RIMS2: variants seen among roughly 807,000 people sequenced by gnomAD.
The protein encoded by RIMS2 is regulating synaptic membrane exocytosis protein 2.
In RIMS2, 59 loss-of-function variants were observed where a neutral mutation model predicts 174.4. The observed-to-expected ratio is 0.34, with a 90% CI of 0.27 to 0.42. The LOEUF (loss-of-function observed/expected upper bound fraction) is 0.42. Ranked by LOEUF, RIMS2 falls within the 10% of genes least tolerant of loss-of-function variation. The probability of loss-of-function intolerance (pLI) is 1.00; values close to 1 mark genes in which losing one functional copy is unlikely to be tolerated. For missense variants in RIMS2, 1,620 were observed against 1,666.3 expected (o/e 0.97, Z 0.48); for synonymous variants, 606 against 572.5 (o/e 1.06, Z -0.84).
chr8:103,608,608 T>C (rs1434251221), intron 1 of RIMS2, among the ~76,000 whole-genome samples: 1 of 150,390 alleles, frequency 6.6e-6, no homozygotes, highest in Non-Finnish European at 1.5e-5. Flanking sequence ...CGCCTTGCAG[T>C]TTGATCTCAG....
chr8:104,148,920 T>A, intron 19 of RIMS2, 72 bp downstream of exon 25: 1 of 1,448,578 alleles, frequency 6.9e-7, no homozygotes, highest in Non-Finnish European at 9.4e-7. Context: ...TTTCTCTTAC[T>A]CATTTTATTG....
At chr8:103,764,157 T>C (rs1299601194) in intron 2 of RIMS2, among the ~76,000 whole-genome samples, 1 of 152,210 alleles carries the variant, frequency 6.6e-6, no homozygotes, top group African/African-American at 2.4e-5. Context: ...GCTTACCTTG[T>C]GAAAAATTTT....
At chr8:103,988,553 G>A (rs762423246) in intron 16 of RIMS2, among the ~76,000 whole-genome samples, 7 of 152,098 alleles carry the variant, frequency 4.6e-5, no homozygotes, top group Non-Finnish European at 7.4e-5. Flanking sequence ...TCCACCTCCC[G>A]GGTTCAAGCG....
At chr8:103,914,853 T>C (rs2076363741) in intron 6 of RIMS2, among the ~76,000 whole-genome samples, 1 of 152,094 alleles carries the variant, frequency 6.6e-6, no homozygotes, top group South Asian at 2.1e-4. Flanking sequence ...TACATATGAC[T>C]CCACAGCAGG....
chr8:103,694,360 G>A (rs1399507421), intron 1 of RIMS2, among the ~76,000 whole-genome samples: 2 of 152,090 alleles, frequency 1.3e-5, no homozygotes, highest in African/African-American at 4.8e-5. Flanking sequence ...GAGTGGGCCT[G>A]GAACTTGTAT....
chr8:103,854,660 A>G (rs1324409212), intron 3 of RIMS2, among the ~76,000 whole-genome samples: 5 of 152,094 alleles, frequency 3.3e-5, no homozygotes, highest in African/African-American at 1.2e-4. Context: ...TATGTGGTAA[A>G]TAATATTTAT....
chr8:103,801,014 A>G (rs1283348633), intron 3 of RIMS2, among the ~76,000 whole-genome samples: 1 of 151,788 alleles, frequency 6.6e-6, no homozygotes, highest in Non-Finnish European at 1.5e-5. Flanking sequence ...TATTTTTGAG[A>G]TGAAGTCTTG....
At chr8:103,989,333 A>G in exon 17 of RIMS2, 1 of 1,612,818 alleles carries the variant, frequency 6.2e-7, no homozygotes. Context: ...GCTTCGAGGG[A>G]CCCGCACTAT....
intron 13 of RIMS2, among the ~76,000 whole-genome samples, chr8:103,941,795 A>G (rs2082605490): frequency 6.6e-6 from 1 of 152,206 alleles, no homozygotes; most frequent in South Asian, 2.1e-4. Flanking sequence ...AATTTTAAAT[A>G]AGACAGGCTG....
chr8:104,134,877 C>A (rs945573431), intron 19 of RIMS2, among the ~76,000 whole-genome samples: 1 of 152,166 alleles, frequency 6.6e-6, no homozygotes, highest in Non-Finnish European at 1.5e-5. Flanking sequence ...GTTGTTCTTA[C>A]TTCAATTTAA....
rs150424695 is a variant in RIMS2 at position 104,090,067 on chromosome 8, T to TTATATA, written c.3334+75459_3334+75464dup. 1.5e-3 allele frequency among the ~76,000 whole-genome samples: 231 copies of TTATATA among 149,868 alleles called. 1 individual carries two copies. Among genetic ancestry groups the TTATATA allele is most frequent in the African/African-American group, 5.3e-3 (215 of 40,844 alleles). On this transcript the variant is annotated intron_variant, in intron 19 of 23. Transcript: ENST00000504942. ...TTATATACACATGCACATATATATATTATATATATATACACACACACACAG... is the reference window on the plus strand; with the variant it reads ...TTATATACACATGCACATATATATATTATATATATATATATATACACACACACACAG...
chr8:103,819,975 T>C (rs559278576), intron 3 of RIMS2, among the ~76,000 whole-genome samples: 7 of 152,220 alleles, frequency 4.6e-5, no homozygotes, highest in Admixed American at 2.6e-4. Context: ...TATATAAGGA[T>C]GGGGCTATAT....
intron 20 of RIMS2, among the ~76,000 whole-genome samples, chr8:104,247,719 G>A (rs1019706377): frequency 6.6e-6 from 1 of 152,138 alleles, no homozygotes; most frequent in Non-Finnish European, 1.5e-5. Flanking sequence ...ACAGGAGCAT[G>A]GAGAGAGTCA....
intron 19 of RIMS2, among the ~76,000 whole-genome samples, chr8:104,184,654 A>G (rs2098958757): frequency 6.6e-6 from 1 of 151,482 alleles, no homozygotes; most frequent in Non-Finnish European, 1.5e-5. Flanking sequence ...TCCAAAGGTT[A>G]TTAGTAGTTG....
At chr8:103,599,379 G>T (rs2094603115) in intron 1 of RIMS2, among the ~76,000 whole-genome samples, 1 of 148,206 alleles carries the variant, frequency 6.7e-6, no homozygotes, top group African/African-American at 2.5e-5. Flanking sequence ...TCCAGAGTTT[G>T]TATTGTTTTT....
chr8:104,251,465 T>C (rs1369650445), intron 23 of RIMS2, 137 bp from the exon 30 acceptor site: 1 of 637,650 alleles, frequency 1.6e-6, no homozygotes, highest in African/African-American at 1.8e-5. Flanking sequence ...AAGACAACTA[T>C]TCTATTATGC....
intron 1 of RIMS2, among the ~76,000 whole-genome samples, chr8:103,519,525 C>T (rs575115729): frequency 1.3e-5 from 2 of 152,158 alleles, no homozygotes; most frequent in African/African-American, 4.8e-5. Context: ...CAGCTCTTAC[C>T]CCACAATTCT....
intron 1 of RIMS2, among the ~76,000 whole-genome samples, chr8:103,607,148 C>T (rs1056740495): frequency 2.0e-5 from 3 of 151,882 alleles, no homozygotes; most frequent in Admixed American, 6.6e-5. Flanking sequence ...GCCGGTTGTT[C>T]CTTTCCATGT....
At chr8:103,923,688 G>A (rs2078167252) in intron 10 of RIMS2, among the ~76,000 whole-genome samples, 1 of 151,610 alleles carries the variant, frequency 6.6e-6, no homozygotes, top group South Asian at 2.1e-4. Context: ...GATATTAGTA[G>A]TAAAACTTTT....
Sources: allele counts gnomAD v4.1 joint callset (sites outside exome capture counted in the v4.1 genomes callset), GRCh38; gene constraint gnomAD v4.1.1; transcripts MANE v1.5; gene names NCBI Gene and HGNC (gene_info 2026-07-23, HGNC 2026-07-21).